ELP3: variants seen among roughly 807,000 people sequenced by gnomAD.
ELP3 encodes the protein elongator complex protein 3.
In ELP3, 56 loss-of-function variants were observed where a neutral mutation model predicts 74.9. That is an observed-to-expected ratio of 0.75 (90% CI 0.60 to 0.93). ELP3 has a LOEUF of 0.93. ELP3 is among the 40% of genes least tolerant of loss of function. The probability of loss-of-function intolerance (pLI) is 0.00; values close to 1 mark genes in which losing one functional copy is unlikely to be tolerated. For synonymous variants in ELP3, 222 were observed against 239.8 expected (o/e 0.93, Z 0.68); for missense variants, 573 against 686.5 (o/e 0.83, Z 1.85).
chr8:28,135,376 G>A (rs935389164), intron 9 of ELP3, among the ~76,000 whole-genome samples: 1 of 152,150 alleles, frequency 6.6e-6, no homozygotes, highest in Non-Finnish European at 1.5e-5. Flanking sequence ...TGTCAGTATC[G>A]TGAACTCTTA....
chr8:28,114,229 A>G (rs1812033086), intron 7 of ELP3, among the ~76,000 whole-genome samples: 1 of 151,920 alleles, frequency 6.6e-6, no homozygotes, highest in Admixed American at 6.6e-5. Context: ...GGCCAACAGC[A>G]AGAAAGATAA....
chr8:28,122,770 T>C (rs1467298797), intron 7 of ELP3, among the ~76,000 whole-genome samples: 1 of 152,228 alleles, frequency 6.6e-6, no homozygotes, highest in Non-Finnish European at 1.5e-5. Flanking sequence ...GACTTCTGCT[T>C]TTATTTTTAT....
chr8:28,127,462 CT>C (rs1273471467), intron 7 of ELP3, among the ~76,000 whole-genome samples: 1 of 152,040 alleles, frequency 6.6e-6, no homozygotes, highest in African/African-American at 2.4e-5. Flanking sequence ...TCATTTAGAG[CT>C]TTTTGCTTTC....
chr8:28,160,148 C>T, intron 12 of ELP3, 81 bp from the exon 13 acceptor site: 3 of 1,290,438 alleles, frequency 2.3e-6, no homozygotes, highest in African/African-American at 1.5e-5. Flanking sequence ...AGATATTAAC[C>T]TAAATAAATA....
intron 14 of ELP3, among the ~76,000 whole-genome samples, chr8:28,181,729 G>A (rs920192290): frequency 3.3e-5 from 5 of 152,228 alleles, no homozygotes; most frequent in Admixed American, 2.0e-4. Flanking sequence ...CATTAGAAAC[G>A]CTCTGGGCCA....
At chr8:28,108,613 C>T (rs754402157) in intron 5 of ELP3, among the ~76,000 whole-genome samples, 32 of 151,986 alleles carry the variant, frequency 2.1e-4, no homozygotes, top group Non-Finnish European at 4.6e-4. Context: ...AGCACCACCA[C>T]GCCCAGCTAA....
chr8:28,144,220 C>A (rs540529897), intron 10 of ELP3, among the ~76,000 whole-genome samples: 1 of 152,292 alleles, frequency 6.6e-6, no homozygotes, highest in Admixed American at 6.5e-5. Flanking sequence ...GACTAGGGAA[C>A]CAAGAGGCCA....
chr8:28,111,775 T>C (rs960020756), intron 6 of ELP3, among the ~76,000 whole-genome samples: 1 of 152,258 alleles, frequency 6.6e-6, no homozygotes, highest in Admixed American at 6.5e-5. Flanking sequence ...AGAGCAGTGA[T>C]TCTTTTCTTA....
At chr8:28,116,110 T>C (rs1812121484) in intron 7 of ELP3, among the ~76,000 whole-genome samples, 1 of 152,176 alleles carries the variant, frequency 6.6e-6, no homozygotes, top group Non-Finnish European at 1.5e-5. Context: ...TAGGGTTGCC[T>C]CTTGGAATTG....
intron 6 of ELP3, among the ~76,000 whole-genome samples, chr8:28,111,818 A>G (rs1277781067): frequency 6.6e-6 from 1 of 152,252 alleles, no homozygotes; most frequent in African/African-American, 2.4e-5. Flanking sequence ...AACTTCTCCA[A>G]AACGTGTCAC....
chr8:28,116,763 A>C (rs561043785), intron 7 of ELP3, among the ~76,000 whole-genome samples: 1 of 152,280 alleles, frequency 6.6e-6, no homozygotes, highest in South Asian at 2.1e-4. Flanking sequence ...AACAAAAAAA[A>C]CTGATCATTA....
chr8:28,125,987 C>G lies in ELP3; in HGVS notation c.618-3515C>G, dbSNP rs190282134. Among the ~76,000 whole-genome samples the G allele has an allele frequency of 2.9e-3, 443 of 152,134 alleles. 2 individuals carry two copies. The highest frequency in any genetic ancestry group is 5.4e-3 in the Non-Finnish European group (366 of 68,006). ...CCTATGTTCCCAGTTATGCCTAATT[C>G]ATTTATTCCTTCTTCAAATTTGTAA... is the stretch of plus-strand genomic sequence containing the variant. On this transcript the variant is annotated intron_variant, in intron 7 of 14. Coordinates refer to ENST00000256398, the MANE Select transcript of ELP3 (RefSeq NM_018091.6).
chr8:28,099,680 G>A (rs1811394452), intron 2 of ELP3, 148 bp from the exon 3 acceptor site: 3 of 870,472 alleles, frequency 3.4e-6, no homozygotes, highest in Non-Finnish European at 5.4e-6. Context: ...CTATTTCCCT[G>A]ATAGTCACAG....
At chr8:28,145,812 C>T (rs1478375935) in intron 10 of ELP3, among the ~76,000 whole-genome samples, 4 of 152,070 alleles carry the variant, frequency 2.6e-5, no homozygotes, top group East Asian at 1.9e-4. Context: ...TTAGTAGAGA[C>T]GGGGTTTCGC....
At chr8:28,129,754 C>T (rs1585680176) in intron 8 of ELP3, 91 bp downstream of exon 8, 1 of 1,456,286 alleles carries the variant, frequency 6.9e-7, no homozygotes, top group South Asian at 1.2e-5. Context: ...CTTCTGACCA[C>T]TCTTAGGGAA....
intron 14 of ELP3, among the ~76,000 whole-genome samples, chr8:28,178,673 T>G (rs2130601586): frequency 6.6e-6 from 1 of 152,250 alleles, no homozygotes; most frequent in South Asian, 2.1e-4. Flanking sequence ...CACCTAAGAG[T>G]GCAATTGCTG....
intron 10 of ELP3, among the ~76,000 whole-genome samples, chr8:28,153,855 C>T (rs147922428): frequency 1.3e-5 from 2 of 152,252 alleles, no homozygotes; most frequent in East Asian, 3.9e-4. Flanking sequence ...GGGTAATTAA[C>T]TTCTCAGTGA....
rs182819477 is a variant in ELP3, at chr8:28,108,209, T to C, written c.393+233T>C. 3.9e-5 allele frequency among the ~76,000 whole-genome samples: 6 copies of C among 152,344 alleles called. No homozygotes were observed. In the East Asian group the frequency reaches 9.6e-4, roughly 24 times the overall value. ...AATAATACTTACTTCTTATCCCAAA[T>C]GCTGTTCTAAGTGCTTTACAACTGT... On this transcript the variant is annotated intron_variant, in intron 5 of 14. Coordinates refer to ENST00000256398, the MANE Select transcript of ELP3 (RefSeq NM_018091.6).
rs1327101368 is a variant in ELP3, at chr8:28,158,641, T to C, written c.1257+8T>C. Reference sequence around the variant, plus strand: ...AAAGTACGGCCATACCAGGTTAGTCTCTTCATGTCATAGAGGGCCTAGGTA... The same window carrying C: ...AAAGTACGGCCATACCAGGTTAGTCCCTTCATGTCATAGAGGGCCTAGGTA... On this transcript the variant is annotated splice_region_variant and intron_variant, in intron 12 of 14. Transcript: ENST00000256398. 6.2e-7 allele frequency: 1 copy of C among 1,611,486 alleles called. No individual in the cohort carries two copies. Among genetic ancestry groups the C allele is most frequent in the South Asian group, 1.1e-5 (1 of 91,022 alleles).
Sources: allele counts gnomAD v4.1 joint callset (sites outside exome capture counted in the v4.1 genomes callset), GRCh38; gene constraint gnomAD v4.1.1; transcripts MANE v1.5; gene names NCBI Gene and HGNC (gene_info 2026-07-23, HGNC 2026-07-21).